Variants in CCDC171 observed in about 807,000 individuals in gnomAD.
The protein encoded by CCDC171 is coiled-coil domain containing 171.
CCDC171 carries 177 observed loss-of-function variants against 168.2 expected under a neutral mutation model. The observed-to-expected ratio is 1.05, with a 90% CI of 0.93 to 1.19. The LOEUF (loss-of-function observed/expected upper bound fraction) is 1.19, where lower values mean the gene tolerates loss of function less well. CCDC171 is among the 50% of genes most tolerant of loss of function. The pLI is 0.00. For missense variants in CCDC171, 1,991 were observed against 1,539.0 expected, an observed-to-expected ratio of 1.29 and a Z score of -4.91; for synonymous variants, 687 against 540.8, an observed-to-expected ratio of 1.27 and a Z score of -3.75.
chr9:15,644,747 G>A (rs567175840), intron 7 of CCDC171, among the ~76,000 whole-genome samples: 57 of 152,318 alleles, frequency 3.7e-4, no homozygotes, highest in Admixed American at 6.5e-4. Context: ...TGGCAGGGAA[G>A]CTCAAACTGG....
At chr9:16,029,440 TG>T (rs1341586069) in intron 6 of CCDC171, among the ~76,000 whole-genome samples, 2 of 152,178 alleles carry the variant, frequency 1.3e-5, no homozygotes, top group Non-Finnish European at 2.9e-5. Flanking sequence ...TGGTGATGCT[TG>T]GAGGGCTGTG....
chr9:15,978,747 G>A (rs56816859), downstream of CCDC171, among the ~76,000 whole-genome samples: 11,589 of 152,144 alleles, frequency 0.076, 1,447 homozygotes, highest in African/African-American at 0.26. Flanking sequence ...TTAAAATATA[G>A]TTCACGTAAC....
At chr9:15,569,450 A>C (rs191184235) in intron 2 of CCDC171, among the ~76,000 whole-genome samples, 3 of 152,234 alleles carry the variant, frequency 2.0e-5, no homozygotes, top group Non-Finnish European at 4.4e-5. Flanking sequence ...TAATGTTATA[A>C]ATTTATTGTT....
intron 11 of CCDC171, among the ~76,000 whole-genome samples, chr9:15,698,520 C>CAA (rs35301658): frequency 9.3e-6 from 1 of 106,986 alleles, no homozygotes; most frequent in Non-Finnish European, 2.0e-5. Flanking sequence ...GACCCCGTCT[C>CAA]AAAAAAAAAA....
Position 15,678,772 on chromosome 9 carries a change from AT to A in CCDC171, c.1094del (p.Phe365SerfsTer7). The A allele has an allele frequency of 6.3e-7, 1 of 1,585,154 alleles. No individual in the cohort carries two copies. Among genetic ancestry groups the A allele is most frequent in the Non-Finnish European group, 8.5e-7 (1 of 1,172,224 alleles). Reference protein sequence around the residue: ...FAKLNLLEKEYFSKNKKLNED... With the variant: ...FAKLNLLEKEXFSKNKKLNED... ...TAACTTTTCAGATTAGAAAAAGAGT[AT>A]TTCTCCAAAAATAAGAAACTAAATG... On this transcript the variant is annotated frameshift_variant, in exon 10 of 26. Coordinates refer to ENST00000380701, the MANE Select transcript of CCDC171 (RefSeq NM_173550.4). LOFTEE classifies it high-confidence loss of function.
chr9:15,632,478 C>T (rs1307267331), intron 7 of CCDC171, among the ~76,000 whole-genome samples: 1 of 151,680 alleles, frequency 6.6e-6, no homozygotes. Flanking sequence ...TGTGAAGGAC[C>T]TCTTCAAGGA....
intron 11 of CCDC171, among the ~76,000 whole-genome samples, chr9:15,700,525 C>A (rs566415747): frequency 1.3e-5 from 2 of 152,382 alleles, no homozygotes; most frequent in African/African-American, 4.8e-5. Context: ...CCTTAAGTGC[C>A]GCCAAGGTTC....
rs150020528 is a variant in CCDC171, at chr9:16,011,890, C to T, written n.369-8699C>T. 4.8e-3 allele frequency among the ~76,000 whole-genome samples: 734 copies of T among 152,290 alleles called. 8 individuals carry two copies. Among genetic ancestry groups the T allele is most frequent in the Non-Finnish European group, 7.6e-3 (514 of 68,010 alleles). On this transcript the variant is annotated intron_variant and non_coding_transcript_variant, in intron 3 of 9. Coordinates refer to the CCDC171 transcript ENST00000486641. ...ATCAGTCAGAAGATTGTCTTGGTTC[C>T]TTATCTTCTCAAGGGTTGTGCACTT...
At chr9:15,568,266 T>C (rs1437756206) in intron 2 of CCDC171, among the ~76,000 whole-genome samples, 1 of 148,352 alleles carries the variant, frequency 6.7e-6, no homozygotes, top group African/African-American at 2.5e-5. Flanking sequence ...CTCCAATACA[T>C]CTTTTTTTTT....
chr9:16,016,196 C>G (rs553573445), intron 3 of CCDC171, among the ~76,000 whole-genome samples: 2 of 152,052 alleles, frequency 1.3e-5, no homozygotes, highest in African/African-American at 4.8e-5. Flanking sequence ...TACTGTTTTC[C>G]ACAGCGGCAG....
chr9:15,668,260 G>T (rs964632790), intron 9 of CCDC171, among the ~76,000 whole-genome samples: 3 of 152,172 alleles, frequency 2.0e-5, no homozygotes, highest in Non-Finnish European at 2.9e-5. Flanking sequence ...GTCTTATAAA[G>T]ATTGGACTGG....
Position 15,594,131 on chromosome 9 carries a change from C to A in CCDC171, c.634C>A (p.Gln212Lys). 2 of 1,481,284 alleles carry A rather than the reference C, an allele frequency of 1.4e-6. No individual in the cohort carries two copies. Among genetic ancestry groups the A allele is most frequent in the South Asian group, 1.2e-5 (1 of 86,262 alleles). The allele number at this position is 1,481,284 out of a possible 1,614,324, so 91.8% of individuals were successfully genotyped here. ...ALEEFRLQEE[Q>K]WEAERRELQF... ...GGAGGAGTTTAGATTACAAGAAGAACAATGGGAAGCAGAAAGAAGAGAATT... is the reference window on the plus strand; with the variant it reads ...GGAGGAGTTTAGATTACAAGAAGAAAAATGGGAAGCAGAAAGAAGAGAATT... Residue 212 changes from glutamine (Q) to lysine (K), a missense_variant, in exon 6 of 26, where the codon CAA (glutamine) becomes AAA (lysine). Coordinates refer to ENST00000380701, the MANE Select transcript of CCDC171 (RefSeq NM_173550.4).
At chr9:15,945,030 C>A (rs549284647) in intron 25 of CCDC171, among the ~76,000 whole-genome samples, 1 of 151,896 alleles carries the variant, frequency 6.6e-6, no homozygotes, top group East Asian at 1.9e-4. Context: ...ATCCCTCTCC[C>A]CCGCCCACCC....
intron 25 of CCDC171, among the ~76,000 whole-genome samples, chr9:15,935,147 C>A (rs1826970387): frequency 6.6e-6 from 1 of 152,008 alleles, no homozygotes; most frequent in African/African-American, 2.4e-5. Context: ...TTTAAAATTG[C>A]AAAACTAGTA....
At chr9:16,094,938 G>A in the CCDC171 span, among the ~76,000 whole-genome samples, 2 of 152,110 alleles carry the variant, frequency 1.3e-5, no homozygotes, top group Non-Finnish European at 2.9e-5. Context: ...TCTCATGAGG[G>A]TGAGCAAGTT....
intron 7 of CCDC171, among the ~76,000 whole-genome samples, chr9:15,641,121 G>A (rs2046571335): frequency 6.6e-6 from 1 of 151,926 alleles, no homozygotes; most frequent in Non-Finnish European, 1.5e-5. Flanking sequence ...TATTACTTAT[G>A]AAAACATCTA....
At chr9:16,084,331 A>G in the CCDC171 span, among the ~76,000 whole-genome samples, 1 of 152,120 alleles carries the variant, frequency 6.6e-6, no homozygotes, top group Non-Finnish European at 1.5e-5. Context: ...TAGATACCCA[A>G]GAAGTCCCTT....
chr9:16,009,148 C>G (rs1192177764), intron 3 of CCDC171, among the ~76,000 whole-genome samples: 3 of 152,162 alleles, frequency 2.0e-5, no homozygotes, highest in African/African-American at 7.2e-5. Context: ...CTCTTTATCT[C>G]TCTCTGCTGC....
chr9:16,045,814 C>T (rs568139530), intron 1 of CCDC171, among the ~76,000 whole-genome samples: 30 of 152,260 alleles, frequency 2.0e-4, no homozygotes, highest in Admixed American at 6.5e-4. Flanking sequence ...TCTGCAAGCT[C>T]CCATTAACCT....
Sources: gnomAD v4.1 joint callset for allele counts (sites outside exome capture counted in the v4.1 genomes callset) on GRCh38, gnomAD v4.1.1 for gene constraint, MANE v1.5 for transcripts, NCBI Gene and HGNC (gene_info 2026-07-23, HGNC 2026-07-21) for gene names.